The following CSGALNACT1 variants were observed in gnomAD, a reference collection of about 807,000 sequenced individuals.
CSGALNACT1 encodes the protein chondroitin sulfate N-acetylgalactosaminyltransferase 1.
Under a neutral mutation model 51.0 loss-of-function variants are expected in CSGALNACT1, and 52 were observed. That is an observed-to-expected ratio of 1.02 (90% confidence interval 0.82 to 1.29). The LOEUF (loss-of-function observed/expected upper bound fraction) is 1.29. CSGALNACT1 is among the 50% of genes most tolerant of loss of function. The probability of loss-of-function intolerance (pLI) is 0.00; values close to 1 mark genes in which losing one functional copy is unlikely to be tolerated. For missense variants in CSGALNACT1, 935 were observed against 679.2 expected (o/e 1.38, Z -4.19); for synonymous variants, 341 against 254.4 (o/e 1.34, Z -3.24).
intron 1 of CSGALNACT1, among the ~76,000 whole-genome samples, chr8:19,669,080 A>T (rs190829137): frequency 1.3e-5 from 2 of 152,336 alleles, no homozygotes. Flanking sequence ...CAGATACAGC[A>T]GGCTTCTTGG....
At chr8:19,722,557 C>A (rs2063182980) in intron 1 of CSGALNACT1, among the ~76,000 whole-genome samples, 1 of 152,118 alleles carries the variant, frequency 6.6e-6, no homozygotes, top group Non-Finnish European at 1.5e-5. Flanking sequence ...CATGGTCTCC[C>A]CAGCCTAGGG....
At chr8:19,690,408 A>G (rs4921667) in intron 1 of CSGALNACT1, among the ~76,000 whole-genome samples, 92,322 of 151,920 alleles carry the variant, frequency 0.61, 28,449 homozygotes, top group Middle Eastern at 0.71. Context: ...GGGCCTTAAC[A>G]TTCTGTTTCT....
At position 19,516,637 on chromosome 8, in the gene CSGALNACT1, T is replaced by C. The variant is rs780233135; in HGVS notation, c.-296-10507A>G. On this transcript the variant is annotated intron_variant, in intron 3 of 9. Coordinates refer to ENST00000454498, the Ensembl canonical transcript of CSGALNACT1. Reference sequence around the variant, plus strand: ...CCCGGTGTGAGCCTTGCTCTGTCCCTGCAACTAGGGCCAGGCAGAATATCT... The same window carrying C: ...CCCGGTGTGAGCCTTGCTCTGTCCCCGCAACTAGGGCCAGGCAGAATATCT... 2.6e-5 allele frequency among the ~76,000 whole-genome samples: 4 copies of C among 152,326 alleles called. No individual in the cohort carries two copies. In the Middle Eastern group the frequency reaches 0.01, roughly 389 times the overall value.
chr8:19,550,695 C>T (rs1464523771), intron 3 of CSGALNACT1, among the ~76,000 whole-genome samples: 2 of 152,048 alleles, frequency 1.3e-5, no homozygotes, highest in Non-Finnish European at 2.9e-5. Context: ...AGGACATAGC[C>T]ATTTTATTTC....
At chr8:19,439,229 A>G (rs1390884635) in intron 6 of CSGALNACT1, among the ~76,000 whole-genome samples, 2 of 152,240 alleles carry the variant, frequency 1.3e-5, no homozygotes, top group Non-Finnish European at 2.9e-5. Context: ...GCAATTGATC[A>G]ACTAGGTATA....
chr8:19,443,990 G>A (rs189475192), intron 5 of CSGALNACT1, among the ~76,000 whole-genome samples: 15 of 152,172 alleles, frequency 9.9e-5, no homozygotes, highest in South Asian at 8.3e-4. Context: ...TTACATCTGC[G>A]GTTCACAATA....
intron 1 of CSGALNACT1, among the ~76,000 whole-genome samples, chr8:19,629,892 TG>T (rs2054976930): frequency 6.6e-6 from 1 of 152,152 alleles, no homozygotes; most frequent in Non-Finnish European, 1.5e-5. Context: ...AGTAAGCACG[TG>T]AGTCTCATTT....
chr8:19,642,766 G>A (rs1210296913), intron 1 of CSGALNACT1, among the ~76,000 whole-genome samples: 1 of 150,290 alleles, frequency 6.7e-6, no homozygotes, highest in African/African-American at 2.5e-5. Context: ...TCCGGCCTGG[G>A]TGACAAAGTG....
intron 3 of CSGALNACT1, among the ~76,000 whole-genome samples, chr8:19,542,017 C>G (rs537445896): frequency 1.3e-5 from 2 of 152,212 alleles, no homozygotes; most frequent in African/African-American, 2.4e-5. Context: ...GAAGAGAAAA[C>G]TTTGGCATGG....
intron 1 of CSGALNACT1, among the ~76,000 whole-genome samples, chr8:19,671,524 T>A (rs1214156152): frequency 6.6e-6 from 1 of 152,196 alleles, no homozygotes; most frequent in Non-Finnish European, 1.5e-5. Flanking sequence ...AGTACAGTAT[T>A]TATCAGAATC....
At chr8:19,420,398 A>T in exon 7 of CSGALNACT1, 1 of 1,614,166 alleles carries the variant, frequency 6.2e-7, no homozygotes, top group Non-Finnish European at 8.5e-7. Flanking sequence ...AGATGTCCAC[A>T]TCACAGAAAA....
At chr8:19,737,278 G>A (rs1360676794) in intron 1 of CSGALNACT1, among the ~76,000 whole-genome samples, 1 of 151,956 alleles carries the variant, frequency 6.6e-6, no homozygotes, top group South Asian at 2.1e-4. Context: ...CCCAGAAAGA[G>A]TCTAGGAGGC....
At chr8:19,527,516 C>A (rs142513588) in intron 3 of CSGALNACT1, among the ~76,000 whole-genome samples, 5 of 152,106 alleles carry the variant, frequency 3.3e-5, no homozygotes, top group African/African-American at 1.2e-4. Flanking sequence ...AGGCTGAGGA[C>A]GGAAAATCGC....
At chr8:19,490,485 A>T (rs2153959238) in intron 4 of CSGALNACT1, among the ~76,000 whole-genome samples, 1 of 152,322 alleles carries the variant, frequency 6.6e-6, no homozygotes, top group African/African-American at 2.4e-5. Flanking sequence ...GCATCATAAG[A>T]TGCCACCAGG....
At chr8:19,635,615 C>T (rs946082876) in intron 1 of CSGALNACT1, among the ~76,000 whole-genome samples, 1 of 152,120 alleles carries the variant, frequency 6.6e-6, no homozygotes, top group Non-Finnish European at 1.5e-5. Context: ...TCAAGATCAG[C>T]TCCACTTTTT....
At chr8:19,670,721 A>G (rs2059738015) in intron 1 of CSGALNACT1, among the ~76,000 whole-genome samples, 1 of 151,864 alleles carries the variant, frequency 6.6e-6, no homozygotes, top group African/African-American at 2.4e-5. Context: ...TGCTTGTAGA[A>G]AAAAGATAAC....
At chr8:19,572,238 CAT>C (rs1159653278) in intron 3 of CSGALNACT1, among the ~76,000 whole-genome samples, 5 of 152,328 alleles carry the variant, frequency 3.3e-5, no homozygotes, top group Admixed American at 3.3e-4. Flanking sequence ...AGAAGATTTA[CAT>C]GTTTATCTAC....
chr8:19,647,634 G>T (rs766131627), intron 1 of CSGALNACT1, among the ~76,000 whole-genome samples: 1 of 152,000 alleles, frequency 6.6e-6, no homozygotes, highest in Non-Finnish European at 1.5e-5. Context: ...GGTGTATTAG[G>T]AACTCTGTAA....
chr8:19,630,192 CTCTGTGTG>C (rs1358225896), intron 1 of CSGALNACT1, among the ~76,000 whole-genome samples: 2 of 119,962 alleles, frequency 1.7e-5, no homozygotes, highest in Non-Finnish European at 3.5e-5. Flanking sequence ...GTTCCCACGT[CTCTGTGTG>C]TGTGTGTGTG....
Sources: gnomAD v4.1 joint callset for allele counts (sites outside exome capture counted in the v4.1 genomes callset) on GRCh38, gnomAD v4.1.1 for gene constraint, MANE v1.5 for transcripts, NCBI Gene and HGNC (gene_info 2026-07-23, HGNC 2026-07-21) for gene names.